The following PAMR1 variants were observed in gnomAD, a reference collection of about 807,000 sequenced individuals.
PAMR1 encodes peptidase domain containing associated with muscle regeneration 1, also known as inactive serine protease PAMR1.
Under a neutral mutation model 81.8 loss-of-function variants are expected in PAMR1, and 88 were observed. The ratio of observed to expected loss-of-function variants is 1.08; its 90% CI spans 0.91 to 1.28. The LOEUF (loss-of-function observed/expected upper bound fraction) is 1.28, where lower values mean the gene tolerates loss of function less well. Ranked by LOEUF, PAMR1 falls within the 50% of genes most tolerant of loss-of-function variation. PAMR1 has a pLI of 0.00. For synonymous variants in PAMR1, 336 were observed against 345.3 expected (o/e 0.97, Z 0.30); for missense variants, 935 against 919.7 (o/e 1.02, Z -0.21).
chr11:35,525,838 C>A (rs1026267187), upstream of PAMR1: 19 of 549,268 alleles, frequency 3.5e-5, no homozygotes, highest in Non-Finnish European at 4.9e-5. Flanking sequence ...CCTGGAGACC[C>A]GCGGACGGCG....
chr11:35,447,040 G>C (rs1014465053), intron 6 of PAMR1, among the ~76,000 whole-genome samples: 3 of 152,120 alleles, frequency 2.0e-5, no homozygotes, highest in African/African-American at 7.2e-5. Flanking sequence ...ATATGTTTAG[G>C]ATAGTAAGCT....
intron 6 of PAMR1, among the ~76,000 whole-genome samples, chr11:35,450,159 A>AAAAAC (rs1856383715): frequency 4.4e-5 from 6 of 137,122 alleles, no homozygotes; most frequent in South Asian, 2.4e-4. Flanking sequence ...AAAAAAAAAA[A>AAAAAC]TCTCTATTCA....
At chr11:35,496,774 A>G (rs1047880326) in intron 1 of PAMR1, among the ~76,000 whole-genome samples, 13 of 152,214 alleles carry the variant, frequency 8.5e-5, no homozygotes, top group Non-Finnish European at 1.8e-4. Context: ...AAAATTGAAA[A>G]CAGAGACTCA....
chr11:35,457,782 C>T (rs1856566637), intron 6 of PAMR1, among the ~76,000 whole-genome samples: 1 of 152,078 alleles, frequency 6.6e-6, no homozygotes, highest in Non-Finnish European at 1.5e-5. Context: ...AGGAGGTTAC[C>T]ACAGGGGATT....
At chr11:35,527,001 G>A (rs1365126740), upstream of PAMR1, among the ~76,000 whole-genome samples, 1 of 152,192 alleles carries the variant, frequency 6.6e-6, no homozygotes, top group Non-Finnish European at 1.5e-5. Context: ...CTGGAGTAAG[G>A]ATTAAGAAAT....
At position 35,471,883 on chromosome 11, in the gene PAMR1, A is replaced by C. The variant is rs181371008; in HGVS notation, c.495-1065T>G. ...TTCTCCTCCACACTCTGGAGAAAAA[A>C]TAGAAATAGAAAGGCCCATAACTGC... On this transcript the variant is annotated intron_variant, in intron 4 of 10. Transcript: ENST00000619888. Among the ~76,000 whole-genome samples the C allele has an allele frequency of 1.4e-3, 219 of 152,330 alleles. No individual in the cohort carries two copies. In the South Asian group the frequency reaches 0.021, roughly 15 times the overall value.
At chr11:35,468,386 T>C (rs1035343423) in intron 5 of PAMR1, among the ~76,000 whole-genome samples, 4 of 152,138 alleles carry the variant, frequency 2.6e-5, no homozygotes, top group Non-Finnish European at 5.9e-5. Context: ...AACAAGAACA[T>C]TAAATTGATG....
rs776227782 is a variant in PAMR1, at chr11:35,436,154, G to A, written c.1101-19C>T. 1.2e-5 allele frequency: 18 copies of A among 1,544,556 alleles called. No individual in the cohort carries two copies. The East Asian group carries it at 3.4e-4, about 29-fold the overall frequency. On this transcript the variant is annotated intron_variant, in intron 8 of 10. Coordinates refer to ENST00000619888, the MANE Select transcript of PAMR1 (RefSeq NM_001001991.3). ...TGTCTCCCTGGGTCAGGAAACATGG[G>A]CCCAGAGAAAGAGCAGGGTGAGAGA...
intron 6 of PAMR1, among the ~76,000 whole-genome samples, chr11:35,452,971 G>C (rs141228548): frequency 1.3e-4 from 20 of 152,246 alleles, no homozygotes; most frequent in Non-Finnish European, 1.9e-4. Context: ...CCAGTGTCCA[G>C]AGCAAGCGTA....
chr11:35,464,311 T>G (rs1317969152), intron 6 of PAMR1, among the ~76,000 whole-genome samples: 1 of 152,194 alleles, frequency 6.6e-6, no homozygotes, highest in Non-Finnish European at 1.5e-5. Context: ...CAAATCAGAA[T>G]ACCAACATGG....
At chr11:35,483,767 C>T (rs1321880911) in intron 3 of PAMR1, among the ~76,000 whole-genome samples, 3 of 152,126 alleles carry the variant, frequency 2.0e-5, no homozygotes, top group Admixed American at 2.0e-4. Flanking sequence ...CTTTCACATC[C>T]TTCTATACCT....
At chr11:35,496,145 G>C (rs987135700) in intron 1 of PAMR1, among the ~76,000 whole-genome samples, 7 of 152,162 alleles carry the variant, frequency 4.6e-5, no homozygotes, top group Non-Finnish European at 7.3e-5. Context: ...AGAATTTAAT[G>C]GTTAAAAGTG....
chr11:35,493,042 G>A (rs1264938242), intron 2 of PAMR1, among the ~76,000 whole-genome samples: 1 of 152,090 alleles, frequency 6.6e-6, no homozygotes, highest in East Asian at 1.9e-4. Flanking sequence ...ACCCAAAGAA[G>A]CCAGAGCATC....
chr11:35,474,757 G>C lies in PAMR1; in HGVS notation c.380-13C>G. The C allele has an allele frequency of 6.4e-7, 1 of 1,573,392 alleles. No homozygotes were observed. Among genetic ancestry groups the C allele is most frequent in the Non-Finnish European group, 8.7e-7 (1 of 1,147,980 alleles). On this transcript the variant is annotated splice_polypyrimidine_tract_variant and intron_variant, in intron 3 of 10. Coordinates refer to ENST00000619888, the MANE Select transcript of PAMR1 (RefSeq NM_001001991.3). ...ACCTGGCCACATCCTAAGAAAAGAA[G>C]AAAAGATTGGGACATAAAAATGGAG...
At chr11:35,481,563 C>T (rs1278593380) in intron 3 of PAMR1, among the ~76,000 whole-genome samples, 1 of 151,956 alleles carries the variant, frequency 6.6e-6, no homozygotes, top group Non-Finnish European at 1.5e-5. Context: ...TGCTCCGTTG[C>T]CCAGGCTGGA....
At position 35,456,858 on chromosome 11, in the gene PAMR1, C is replaced by G. The variant is rs563946748; in HGVS notation, c.820+11143G>C. 2.0e-5 allele frequency among the ~76,000 whole-genome samples: 3 copies of G among 152,302 alleles called. No individual in the cohort carries two copies. The East Asian group carries it at 5.8e-4, about 29-fold the overall frequency. Reference sequence around the variant, plus strand: ...ACAATGGACTAAACTTGCTCTTACACACAGAGAAGAGCTTGTGCATGTGCA... The same window carrying G: ...ACAATGGACTAAACTTGCTCTTACAGACAGAGAAGAGCTTGTGCATGTGCA... On this transcript the variant is annotated intron_variant, in intron 6 of 10. Transcript: ENST00000619888.
intron 4 of PAMR1, among the ~76,000 whole-genome samples, chr11:35,472,744 A>G (rs943006433): frequency 6.6e-6 from 1 of 152,136 alleles, no homozygotes; most frequent in Admixed American, 6.6e-5. Context: ...AGCAATGATG[A>G]GGTTGACATG....
chr11:35,495,865 A>G (rs186224054), intron 1 of PAMR1, among the ~76,000 whole-genome samples: 2 of 152,362 alleles, frequency 1.3e-5, no homozygotes, highest in Admixed American at 1.3e-4. Context: ...CACTCGCACA[A>G]TGAGGGACAG....
intron 7 of PAMR1, among the ~76,000 whole-genome samples, chr11:35,441,209 C>A (rs528763843): frequency 3.3e-5 from 5 of 152,088 alleles, no homozygotes; most frequent in African/African-American, 1.2e-4. Flanking sequence ...TAAACTCAGC[C>A]CTGTCATCTT....
Sources: allele counts gnomAD v4.1 joint callset (sites outside exome capture counted in the v4.1 genomes callset), GRCh38; gene constraint gnomAD v4.1.1; transcripts MANE v1.5; gene names NCBI Gene and HGNC (gene_info 2026-07-23, HGNC 2026-07-21).